The following DLGAP2 variants were observed in gnomAD, a reference collection of about 807,000 sequenced individuals.
DLGAP2 encodes the protein disks large-associated protein 2.
A neutral mutation model predicts 100.3 loss-of-function variants in DLGAP2; 26 were observed. That is an observed-to-expected ratio of 0.26 (90% CI 0.19 to 0.36). The LOEUF (loss-of-function observed/expected upper bound fraction) is 0.36. Among genes scored for constraint, DLGAP2 ranks in the 10% least tolerant of loss-of-function variants. The pLI is 1.00. For missense variants in DLGAP2, 1,858 were observed against 1,453.2 expected (o/e 1.28, Z -4.53); for synonymous variants, 886 against 630.1 (o/e 1.41, Z -6.08).
At chr8:768,850 T>G (rs1411445746) in intron 1 of DLGAP2, among the ~76,000 whole-genome samples, 1 of 152,206 alleles carries the variant, frequency 6.6e-6, no homozygotes, top group Non-Finnish European at 1.5e-5. Context: ...ATTCATTGGC[T>G]ACTTACATCA....
intron 2 of DLGAP2, among the ~76,000 whole-genome samples, chr8:1,134,390 G>A (rs913943777): frequency 6.6e-6 from 1 of 152,110 alleles, no homozygotes; most frequent in African/African-American, 2.4e-5. Flanking sequence ...CTGTTTTTAG[G>A]TCTTTGAGGC....
At chr8:1,066,991 G>A (rs964963582) in intron 2 of DLGAP2, among the ~76,000 whole-genome samples, 3 of 152,146 alleles carry the variant, frequency 2.0e-5, no homozygotes, top group Non-Finnish European at 4.4e-5. Context: ...AAGCTGCCTG[G>A]GCCCCCCTGA....
intron 6 of DLGAP2, among the ~76,000 whole-genome samples, chr8:1,610,269 A>C (rs1206323601): frequency 6.6e-6 from 1 of 152,214 alleles, no homozygotes; most frequent in Non-Finnish European, 1.5e-5. Flanking sequence ...GAAACTAAAC[A>C]ACCTGCTCCT....
At chr8:855,998 C>T (rs962679446) in intron 1 of DLGAP2, among the ~76,000 whole-genome samples, 2 of 152,070 alleles carry the variant, frequency 1.3e-5, no homozygotes, top group African/African-American at 2.4e-5. Flanking sequence ...AATGAGGAAG[C>T]GTAGCCTCTC....
At chr8:825,376 T>A (rs568102249) in intron 1 of DLGAP2, among the ~76,000 whole-genome samples, 3 of 152,304 alleles carry the variant, frequency 2.0e-5, no homozygotes, top group East Asian at 3.9e-4. Flanking sequence ...AGTTCTCTGT[T>A]GTGGGCTTTC....
Position 1,650,876 on chromosome 8 carries a change from T to C in DLGAP2, c.1811-17453T>C, listed in dbSNP as rs1305168286. Among the ~76,000 whole-genome samples, 3 of 139,128 alleles carry C rather than the reference T, an allele frequency of 2.2e-5. No homozygotes were observed. The South Asian group carries it at 6.4e-4, about 30-fold the overall frequency. The allele number at this position is 139,128 out of a possible 152,430, so 91.3% of individuals were successfully genotyped here. A position where few individuals can be genotyped will look rare whatever the true frequency, so the allele number is the denominator to read the frequency against. On this transcript the variant is annotated intron_variant, in intron 8 of 14. Coordinates refer to ENST00000637795, the MANE Select transcript of DLGAP2 (RefSeq NM_001346810.2). ...GTAGACACAGAAGCTTGGGTGACAG[T>C]TGCTGGAGCAGAGATGGGAGGAGAG...
At chr8:1,463,072 G>A (rs932304358) in intron 3 of DLGAP2, among the ~76,000 whole-genome samples, 1 of 152,066 alleles carries the variant, frequency 6.6e-6, no homozygotes, top group South Asian at 2.1e-4. Context: ...AAAATGGTGA[G>A]CCCCCATCTC....
chr8:1,499,300 C>G lies in DLGAP2; in HGVS notation c.107-2066C>G, dbSNP rs1053178812. On this transcript the variant is annotated intron_variant, in intron 3 of 14. Coordinates refer to ENST00000637795, the MANE Select transcript of DLGAP2 (RefSeq NM_001346810.2). ...AACTGGGTGATGTTGGCCCATCCTT[C>G]AAGTCCGCCCTGTGAGAGCCCCTGC... 9.9e-5 allele frequency among the ~76,000 whole-genome samples: 15 copies of G among 152,210 alleles called. 1 individual carries two copies. Among genetic ancestry groups the G allele is most frequent in the Admixed American group, 8.5e-4 (13 of 15,280 alleles).
At chr8:1,222,734 C>T (rs896290966) in intron 2 of DLGAP2, among the ~76,000 whole-genome samples, 5 of 152,030 alleles carry the variant, frequency 3.3e-5, no homozygotes, top group African/African-American at 1.2e-4. Flanking sequence ...CTCTGATGGT[C>T]AGACGGGCTC....
At chr8:1,378,847 G>C (rs1024162971) in intron 3 of DLGAP2, among the ~76,000 whole-genome samples, 3 of 152,058 alleles carry the variant, frequency 2.0e-5, no homozygotes, top group Admixed American at 6.5e-5. Context: ...TGAGGAGTCT[G>C]TGCCGTCCCC....
At chr8:950,498 A>G (rs1389097724) in intron 2 of DLGAP2, among the ~76,000 whole-genome samples, 3 of 152,202 alleles carry the variant, frequency 2.0e-5, no homozygotes, top group Non-Finnish European at 1.5e-5. Flanking sequence ...AACATCTTTG[A>G]AGATAAAATA....
At chr8:1,071,716 A>T (rs1359000445) in intron 2 of DLGAP2, among the ~76,000 whole-genome samples, 1 of 152,218 alleles carries the variant, frequency 6.6e-6, no homozygotes. Flanking sequence ...ACTGGCTCCA[A>T]GGATGTGTGC....
At chr8:1,506,637 T>C (rs1194920313) in intron 4 of DLGAP2, among the ~76,000 whole-genome samples, 1 of 152,212 alleles carries the variant, frequency 6.6e-6, no homozygotes, top group Admixed American at 6.5e-5. Flanking sequence ...GGCAGACTGC[T>C]TTTATTCCCT....
chr8:899,888 A>C (rs1798215864), intron 1 of DLGAP2, among the ~76,000 whole-genome samples: 1 of 152,224 alleles, frequency 6.6e-6, no homozygotes, highest in African/African-American at 2.4e-5. Context: ...TGAACTGCAG[A>C]GGGTGAGACT....
Position 1,216,460 on chromosome 8 carries a change from C to A in DLGAP2, c.74-42391C>A, listed in dbSNP as rs2167508. Among the ~76,000 whole-genome samples the A allele has an allele frequency of 6.6e-5, 10 of 151,752 alleles. No individual in the cohort carries two copies. The East Asian group carries it at 1.6e-3, about 24-fold the overall frequency. ...AACTCCTGGGCTCAGGAGATCCTCC[C>A]TCTTCAACCTCCCACGTATGTGCCA... On this transcript the variant is annotated intron_variant, in intron 2 of 14. Coordinates refer to ENST00000637795, the MANE Select transcript of DLGAP2 (RefSeq NM_001346810.2).
chr8:1,117,307 C>T (rs899752513), intron 2 of DLGAP2, among the ~76,000 whole-genome samples: 6 of 152,230 alleles, frequency 3.9e-5, no homozygotes, highest in Non-Finnish European at 7.3e-5. Flanking sequence ...TCCCACCACT[C>T]AGAGGTGCCA....
intron 3 of DLGAP2, among the ~76,000 whole-genome samples, chr8:1,420,570 T>A (rs1472110061): frequency 6.6e-6 from 1 of 152,202 alleles, no homozygotes; most frequent in Non-Finnish European, 1.5e-5. Context: ...CCTGAATATA[T>A]TTAAAAATAT....
At position 1,240,768 on chromosome 8, in the gene DLGAP2, G is replaced by A. The variant is rs549468524; in HGVS notation, c.74-18083G>A. On this transcript the variant is annotated intron_variant, in intron 2 of 14. Transcript: ENST00000637795. ...GTTCTCTCGCATGGCGCCGTGTCTAGTTGTCTCACATGGTGCCGTTTCTAG... is the reference window on the plus strand; with the variant it reads ...GTTCTCTCGCATGGCGCCGTGTCTAATTGTCTCACATGGTGCCGTTTCTAG... 2.5e-4 allele frequency among the ~76,000 whole-genome samples: 9 copies of A among 35,404 alleles called. 1 individual carries two copies. Among genetic ancestry groups the A allele is most frequent in the Admixed American group, 1.3e-3 (5 of 3,966 alleles). The allele number at this position is 35,404 out of a possible 152,430, so 23.2% of individuals were successfully genotyped here. A position where few individuals can be genotyped will look rare whatever the true frequency, so the allele number is the denominator to read the frequency against.
chr8:1,644,753 G>T (rs997161510), intron 8 of DLGAP2, among the ~76,000 whole-genome samples: 1 of 152,164 alleles, frequency 6.6e-6, no homozygotes, highest in Non-Finnish European at 1.5e-5. Context: ...TTTATTATTT[G>T]TATGCCATTA....
Sources: allele counts gnomAD v4.1 joint callset (sites outside exome capture counted in the v4.1 genomes callset), GRCh38; gene constraint gnomAD v4.1.1; transcripts MANE v1.5; gene names NCBI Gene and HGNC (gene_info 2026-07-23, HGNC 2026-07-21).